The following COL25A1 variants were observed in gnomAD, a reference collection of about 807,000 sequenced individuals.
COL25A1 encodes collagen alpha-1(XXV) chain.
COL25A1 carries 103 observed loss-of-function variants against 128.4 expected under a neutral mutation model. That is an observed-to-expected ratio of 0.80 (90% CI 0.68 to 0.94). The LOEUF (loss-of-function observed/expected upper bound fraction) is 0.94. Among genes scored for constraint, COL25A1 ranks in the 40% least tolerant of loss-of-function variants. The pLI, the probability that COL25A1 is intolerant of heterozygous loss-of-function variation, is 0.00. For missense variants in COL25A1, 745 were observed against 840.0 expected (o/e 0.89, Z 1.40); for synonymous variants, 279 against 277.2 (o/e 1.01, Z -0.06).
At chr4:109,202,316 C>T (rs1249482090) in intron 3 of COL25A1, among the ~76,000 whole-genome samples, 2 of 151,950 alleles carry the variant, frequency 1.3e-5, no homozygotes, top group Non-Finnish European at 2.9e-5. Context: ...ACAAATATAG[C>T]CAATTGATCA....
At chr4:109,080,680 T>C (rs994371371) in intron 3 of COL25A1, among the ~76,000 whole-genome samples, 10 of 152,212 alleles carry the variant, frequency 6.6e-5, no homozygotes, top group Non-Finnish European at 1.2e-4. Context: ...ATGGGAGCCC[T>C]CTGTTTTTTA....
intron 10 of COL25A1, among the ~76,000 whole-genome samples, chr4:108,940,033 T>A (rs1319556025): frequency 1.3e-5 from 2 of 152,224 alleles, no homozygotes; most frequent in African/African-American, 4.8e-5. Context: ...ACGTTATTTA[T>A]AAGGGATTAA....
chr4:108,938,562 T>C (rs1210811888), intron 10 of COL25A1, among the ~76,000 whole-genome samples: 2 of 152,094 alleles, frequency 1.3e-5, no homozygotes, highest in African/African-American at 4.8e-5. Flanking sequence ...GCACTACAGC[T>C]TGGGCAACAC....
chr4:108,861,730 G>A (rs1305102205), intron 22 of COL25A1, among the ~76,000 whole-genome samples: 1 of 152,152 alleles, frequency 6.6e-6, no homozygotes, highest in Admixed American at 6.5e-5. Flanking sequence ...GAAGAGATTC[G>A]AACCTGTGTA....
At chr4:109,056,963 G>A (rs1474902538) in intron 3 of COL25A1, among the ~76,000 whole-genome samples, 2 of 152,096 alleles carry the variant, frequency 1.3e-5, no homozygotes, top group South Asian at 2.1e-4. Flanking sequence ...GGGCTCAAGC[G>A]ATCCTCCCAT....
chr4:108,883,559 A>T lies in COL25A1; in HGVS notation c.1020+619T>A, dbSNP rs568248905. 1.7e-3 allele frequency among the ~76,000 whole-genome samples: 266 copies of T among 152,042 alleles called. 2 individuals are homozygous for T. Among genetic ancestry groups the T allele is most frequent in the Admixed American group, 1.8e-3 (28 of 15,244 alleles). On this transcript the variant is annotated intron_variant, in intron 19 of 37. Transcript: ENST00000399132. ...TGCAAAAAATTTCAAAACATTTTTT[A>T]AAATGTTTTTAACATTTTTAAGTGG...
At chr4:108,936,824 T>TATATATATATAG (rs4036496) in intron 11 of COL25A1, among the ~76,000 whole-genome samples, 1 of 147,512 alleles carries the variant, frequency 6.8e-6, no homozygotes, top group Non-Finnish European at 1.5e-5. Context: ...TATATATATA[T>TATATATATATAG]TTAGAGACAG....
intron 3 of COL25A1, among the ~76,000 whole-genome samples, chr4:109,091,529 C>G (rs1444307526): frequency 6.6e-6 from 1 of 152,002 alleles, no homozygotes; most frequent in Admixed American, 6.6e-5. Flanking sequence ...GTGTGTGTGT[C>G]TGTCTATCTA....
chr4:109,200,671 C>A (rs184141754), intron 3 of COL25A1, among the ~76,000 whole-genome samples: 57 of 152,190 alleles, frequency 3.7e-4, no homozygotes, highest in Non-Finnish European at 6.8e-4. Flanking sequence ...AGGCTGGTCT[C>A]CAACTCTTGA....
intron 3 of COL25A1, among the ~76,000 whole-genome samples, chr4:109,159,542 G>A (rs1772361632): frequency 6.6e-6 from 1 of 152,082 alleles, no homozygotes; most frequent in Non-Finnish European, 1.5e-5. Context: ...GCTCCCTCAG[G>A]ATTTCTTCCA....
intron 3 of COL25A1, among the ~76,000 whole-genome samples, chr4:109,141,107 C>T (rs1578268263): frequency 6.6e-6 from 1 of 151,996 alleles, no homozygotes; most frequent in Non-Finnish European, 1.5e-5. Flanking sequence ...AGATATGTTC[C>T]ATCAATACCT....
intron 3 of COL25A1, among the ~76,000 whole-genome samples, chr4:109,135,581 T>G (rs1462372081): frequency 6.6e-6 from 1 of 152,152 alleles, no homozygotes; most frequent in Non-Finnish European, 1.5e-5. Flanking sequence ...TGAGGACAGC[T>G]TGAGGACAGC....
intron 3 of COL25A1, among the ~76,000 whole-genome samples, chr4:109,157,636 C>G (rs1191662219): frequency 6.6e-6 from 1 of 152,194 alleles, no homozygotes; most frequent in Non-Finnish European, 1.5e-5. Context: ...TGTTAATACT[C>G]TTGCTAAAGC....
At chr4:109,204,942 A>T (rs371041817) in intron 3 of COL25A1, among the ~76,000 whole-genome samples, 2 of 152,304 alleles carry the variant, frequency 1.3e-5, no homozygotes, top group South Asian at 4.1e-4. Context: ...TATAGAGTAG[A>T]TAAGTAAATT....
chr4:109,240,081 A>G (rs946603625), intron 3 of COL25A1, among the ~76,000 whole-genome samples: 1 of 152,022 alleles, frequency 6.6e-6, no homozygotes, highest in African/African-American at 2.4e-5. Context: ...ATGCCTCCTG[A>G]TGTACCTGCC....
chr4:109,136,168 C>T (rs1209814330), intron 3 of COL25A1, among the ~76,000 whole-genome samples: 16 of 152,150 alleles, frequency 1.1e-4, no homozygotes, highest in South Asian at 1.0e-3. Context: ...GAAGCCAAGG[C>T]GGGTGGATCA....
At chr4:109,083,448 A>AAATTTTTTTTT (rs377354398) in intron 3 of COL25A1, among the ~76,000 whole-genome samples, 1 of 77,056 alleles carries the variant, frequency 1.3e-5, no homozygotes, top group African/African-American at 4.8e-5. Context: ...CACTAAATAA[A>AAATTTTTTTTT]TTTTTTTTTT....
intron 4 of COL25A1, among the ~76,000 whole-genome samples, chr4:109,048,747 T>C (rs1207788727): frequency 1.3e-5 from 2 of 152,294 alleles, no homozygotes; most frequent in Non-Finnish European, 2.9e-5. Flanking sequence ...AAAATACTAG[T>C]TCTAAGTAGC....
chr4:109,108,319 T>C lies in COL25A1; in HGVS notation c.368-58140A>G, dbSNP rs1002985960. Among the ~76,000 whole-genome samples, 2 of 152,098 alleles carry C rather than the reference T, an allele frequency of 1.3e-5. 1 individual carries two copies. The highest frequency in any genetic ancestry group is 1.3e-4 in the Admixed American group (2 of 15,276). ...CCTTGTGATAGTTTGCTGAGAATGA[T>C]GGTTTCCAGCTTCATCCATGTCCCT... is the stretch of plus-strand genomic sequence containing the variant. On this transcript the variant is annotated intron_variant, in intron 3 of 37. Coordinates refer to ENST00000399132, the MANE Select transcript of COL25A1 (RefSeq NM_198721.4).
Sources: gnomAD v4.1 joint callset for allele counts (sites outside exome capture counted in the v4.1 genomes callset) on GRCh38, gnomAD v4.1.1 for gene constraint, MANE v1.5 for transcripts, NCBI Gene and HGNC (gene_info 2026-07-23, HGNC 2026-07-21) for gene names.